The following ERC2 variants were observed in gnomAD, a reference collection of about 807,000 sequenced individuals.
ERC2 encodes the protein ERC protein 2.
In ERC2, 42 loss-of-function variants were observed where a neutral mutation model predicts 114.8. That is an observed-to-expected ratio of 0.37 (90% CI 0.29 to 0.47). The LOEUF (loss-of-function observed/expected upper bound fraction) is 0.47, where lower values mean the gene tolerates loss of function less well. Ranked by LOEUF, ERC2 falls within the 20% of genes least tolerant of loss-of-function variation. ERC2 has a pLI of 0.99. For missense variants in ERC2, 939 were observed against 1,150.7 expected (o/e 0.82, Z 2.66); for synonymous variants, 454 against 425.5 (o/e 1.07, Z -0.82).
rs143906006 is a variant in ERC2, at chr3:55,713,096, T to TTCTCTC, written c.2713-13590_2713-13585dup. The stretch of plus-strand genomic sequence containing the variant: ...ATCCTGGTTGTTAGTTCCTCTGCCA[T>TTCTCTC]TCTCTCTCTCTCTCTCTCTCTCTCT... On this transcript the variant is annotated intron_variant, in intron 15 of 17. Coordinates refer to ENST00000288221, the MANE Select transcript of ERC2 (RefSeq NM_015576.3). Among the ~76,000 whole-genome samples the TTCTCTC allele has an allele frequency of 2.7e-3, 366 of 135,108 alleles. 1 individual carries two copies. The highest frequency in any genetic ancestry group is 3.8e-3 in the Middle Eastern group (1 of 266). 88.6% of individuals were successfully genotyped at this position (135,108 alleles called of 152,430 possible).
chr3:56,465,554 G>A (rs2063506492), intron 1 of ERC2, among the ~76,000 whole-genome samples: 1 of 152,194 alleles, frequency 6.6e-6, no homozygotes, highest in African/African-American at 2.4e-5. Context: ...ACTGAAGGAT[G>A]TTAAGAGCAT....
intron 12 of ERC2, among the ~76,000 whole-genome samples, chr3:55,962,133 C>T (rs2068429705): frequency 6.6e-6 from 1 of 151,524 alleles, no homozygotes; most frequent in Non-Finnish European, 1.5e-5. Flanking sequence ...AGGCCGAGGT[C>T]AAAAAAGAAA....
chr3:55,956,717 G>A (rs966700117), intron 12 of ERC2, among the ~76,000 whole-genome samples: 5 of 152,132 alleles, frequency 3.3e-5, no homozygotes, highest in African/African-American at 1.2e-4. Flanking sequence ...TGCACCTTGT[G>A]GCAGCCTCTC....
At chr3:55,817,254 C>G (rs1361224335) in intron 14 of ERC2, among the ~76,000 whole-genome samples, 1 of 152,212 alleles carries the variant, frequency 6.6e-6, no homozygotes, top group Non-Finnish European at 1.5e-5. Flanking sequence ...GATCTGAACC[C>G]AGCTCTGACT....
intron 6 of ERC2, among the ~76,000 whole-genome samples, chr3:56,096,812 C>G (rs2078091219): frequency 6.6e-6 from 1 of 152,140 alleles, no homozygotes; most frequent in Admixed American, 6.5e-5. Context: ...TAAATAACAC[C>G]TTCCCTCTAT....
chr3:56,095,250 T>C (rs1040331832), intron 6 of ERC2, among the ~76,000 whole-genome samples: 5 of 152,038 alleles, frequency 3.3e-5, no homozygotes, highest in Admixed American at 6.6e-5. Context: ...AGTATTAATA[T>C]AGATATATGA....
At chr3:55,630,029 T>C (rs547566534) in intron 17 of ERC2, among the ~76,000 whole-genome samples, 1 of 152,206 alleles carries the variant, frequency 6.6e-6, no homozygotes, top group East Asian at 1.9e-4. Flanking sequence ...CAAGGCTCTG[T>C]AACAGGACGG....
intron 3 of ERC2, among the ~76,000 whole-genome samples, chr3:56,212,095 G>C (rs1386176883): frequency 6.6e-6 from 1 of 151,990 alleles, no homozygotes; most frequent in African/African-American, 2.4e-5. Flanking sequence ...ATAAATAGAT[G>C]GGACTTAATT....
intron 2 of ERC2, among the ~76,000 whole-genome samples, chr3:56,377,088 G>A (rs995354888): frequency 1.3e-5 from 2 of 152,004 alleles, no homozygotes; most frequent in African/African-American, 2.4e-5. Flanking sequence ...CTGTTTCTCC[G>A]ATTAGAGGCC....
intron 17 of ERC2, among the ~76,000 whole-genome samples, chr3:55,605,849 T>C (rs543356635): frequency 6.6e-6 from 1 of 152,342 alleles, no homozygotes; most frequent in African/African-American, 2.4e-5. Flanking sequence ...ACATATCTAC[T>C]GTAAAAGCAA....
intron 17 of ERC2, among the ~76,000 whole-genome samples, chr3:55,639,794 A>C (rs1055701388): frequency 9.2e-5 from 14 of 152,224 alleles, no homozygotes; most frequent in African/African-American, 3.4e-4. Context: ...GCACACGCAC[A>C]TGTGCATGCA....
At chr3:55,756,371 T>C (rs1315703615) in intron 14 of ERC2, among the ~76,000 whole-genome samples, 1 of 152,136 alleles carries the variant, frequency 6.6e-6, no homozygotes, top group African/African-American at 2.4e-5. Context: ...ACTGATGAAC[T>C]TAGTCTATGC....
intron 4 of ERC2, among the ~76,000 whole-genome samples, chr3:56,159,873 C>T (rs990118960): frequency 5.3e-5 from 8 of 152,198 alleles, no homozygotes; most frequent in African/African-American, 1.4e-4. Context: ...TATCCCATGG[C>T]GTATACATAC....
intron 17 of ERC2, among the ~76,000 whole-genome samples, chr3:55,526,153 A>T (rs2053300121): frequency 6.6e-6 from 1 of 152,126 alleles, no homozygotes; most frequent in African/African-American, 2.4e-5. Context: ...TGCCAAGGGT[A>T]CCAGCAACCA....
chr3:56,337,404 C>T (rs2057900792), intron 2 of ERC2, among the ~76,000 whole-genome samples: 1 of 152,180 alleles, frequency 6.6e-6, no homozygotes. Context: ...GACCTGGCTC[C>T]ATCACATATG....
chr3:55,971,697 A>G (rs1339882532), intron 12 of ERC2, among the ~76,000 whole-genome samples: 1 of 152,170 alleles, frequency 6.6e-6, no homozygotes, highest in African/African-American at 2.4e-5. Flanking sequence ...TGGAGGAGTA[A>G]GGATCAGTAC....
intron 13 of ERC2, among the ~76,000 whole-genome samples, chr3:55,897,245 T>C (rs1401198736): frequency 1.3e-5 from 2 of 152,220 alleles, no homozygotes; most frequent in African/African-American, 4.8e-5. Flanking sequence ...CATGCATCTC[T>C]TCCTGACGCG....
intron 2 of ERC2, among the ~76,000 whole-genome samples, chr3:56,353,040 G>A (rs549702197): frequency 3.9e-5 from 6 of 152,330 alleles, no homozygotes; most frequent in Non-Finnish European, 7.3e-5. Flanking sequence ...CCTCAGGGCA[G>A]AGGATCACAA....
intron 17 of ERC2, among the ~76,000 whole-genome samples, chr3:55,671,967 C>A (rs1247025248): frequency 6.6e-6 from 1 of 152,156 alleles, no homozygotes; most frequent in Non-Finnish European, 1.5e-5. Flanking sequence ...TCTGAGAAGG[C>A]CTGCAGTGGA....
Sources: gnomAD v4.1 joint callset for allele counts (sites outside exome capture counted in the v4.1 genomes callset) on GRCh38, gnomAD v4.1.1 for gene constraint, MANE v1.5 for transcripts, NCBI Gene and HGNC (gene_info 2026-07-23, HGNC 2026-07-21) for gene names.